The following LOXHD1 variants were observed in gnomAD, a reference collection of about 807,000 sequenced individuals.
LOXHD1 encodes the protein lipoxygenase homology PLAT domains 1.
A neutral mutation model predicts 248.2 loss-of-function variants in LOXHD1; 205 were observed. The ratio of observed to expected loss-of-function variants is 0.83; its 90% CI spans 0.74 to 0.93. LOXHD1 has a LOEUF of 0.93. Ranked by LOEUF, LOXHD1 falls within the 40% of genes least tolerant of loss-of-function variation. The probability of loss-of-function intolerance (pLI) is 0.00; values close to 1 mark genes in which losing one functional copy is unlikely to be tolerated. For missense variants in LOXHD1, 2,930 were observed against 2,971.6 expected, an observed-to-expected ratio of 0.99 and a Z score of 0.33; for synonymous variants, 1,113 against 1,162.8, an observed-to-expected ratio of 0.96 and a Z score of 0.87.
chr18:46,544,285 G>T (rs1261089597), intron 23 of LOXHD1, among the ~76,000 whole-genome samples: 1 of 152,200 alleles, frequency 6.6e-6, no homozygotes, highest in Non-Finnish European at 1.5e-5. Context: ...TGTCAAAAAA[G>T]GACAGGTCTT....
chr18:46,538,014 G>T, intron 26 of LOXHD1, 142 bp downstream of exon 26: 1 of 705,262 alleles, frequency 1.4e-6, no homozygotes, highest in Non-Finnish European at 2.2e-6. Flanking sequence ...TGAGGCCCAG[G>T]AAGGTAGGAT....
In LOXHD1 at chr18:46,496,414, T is replaced by C. The variant is rs535488406; in HGVS notation, c.5879-7272A>G. Among the ~76,000 whole-genome samples, 9 of 152,358 alleles carry C rather than the reference T, an allele frequency of 5.9e-5. No individual in the cohort carries two copies. The South Asian group carries it at 1.2e-3, about 21-fold the overall frequency. Reference sequence around the variant, plus strand: ...CTAAGCATTTGTCACCTGATTTATATGGTATTTGTTCAGAAATCCCCATCT... The same window carrying C: ...CTAAGCATTTGTCACCTGATTTATACGGTATTTGTTCAGAAATCCCCATCT... On this transcript the variant is annotated intron_variant, in intron 37 of 40. Transcript: ENST00000642948.
chr18:46,584,291 G>A (rs2038019491), intron 12 of LOXHD1, among the ~76,000 whole-genome samples: 1 of 152,116 alleles, frequency 6.6e-6, no homozygotes, highest in Non-Finnish European at 1.5e-5. Context: ...AATTAAATGA[G>A]AGGAATAAGT....
intron 37 of LOXHD1, among the ~76,000 whole-genome samples, chr18:46,493,440 G>A (rs2033628019): frequency 6.6e-6 from 1 of 152,196 alleles, no homozygotes; most frequent in Non-Finnish European, 1.5e-5. Flanking sequence ...AGCCCCTTGA[G>A]AACAGGAGCC....
At chr18:46,574,600 T>C (rs2037819207) in intron 14 of LOXHD1, among the ~76,000 whole-genome samples, 1 of 133,132 alleles carries the variant, frequency 7.5e-6, no homozygotes, top group Non-Finnish European at 1.6e-5. Flanking sequence ...CAGCAAGACA[T>C]AAGAACCCAT....
intron 17 of LOXHD1, 39 bp downstream of exon 17, chr18:46,566,218 G>A (rs953252351): frequency 1.6e-5 from 25 of 1,518,422 alleles, no homozygotes; most frequent in Middle Eastern, 2.0e-4. Context: ...CATCCCCCAT[G>A]GGAAACAATG....
rs1272867617 is a variant in LOXHD1 at position 46,594,437 on chromosome 18, G to C, written c.1164C>G (p.Ile388Met). 7 of 1,551,470 alleles carry C rather than the reference G, an allele frequency of 4.5e-6. No homozygotes were observed. The highest frequency in any genetic ancestry group is 3.9e-5 in the Admixed American group (2 of 50,972). Residue 388 changes from isoleucine to methionine, a missense_variant, in exon 9 of 41, where the codon ATC becomes ATG. Ile to Met is a conservative substitution (Grantham distance 10). Coordinates refer to ENST00000642948, the MANE Select transcript of LOXHD1 (RefSeq NM_001384474.1). ...KVVILCPFTG[I>M]QQTFPCSNWL... ...AGTTGCTACAAGGGAAGGTCTGCTG[G>C]ATACCAGTGAAGGGGCACAGAATCA...
At chr18:46,602,926 A>G (rs183953324) in intron 7 of LOXHD1, among the ~76,000 whole-genome samples, 1 of 152,318 alleles carries the variant, frequency 6.6e-6, no homozygotes, top group Non-Finnish European at 1.5e-5. Context: ...TAGGAGACAT[A>G]TAATATTCAC....
intron 18 of LOXHD1, 28 bp from the exon 19 acceptor site, chr18:46,560,573 C>A: frequency 6.7e-7 from 1 of 1,501,602 alleles, no homozygotes; most frequent in Non-Finnish European, 8.9e-7. Context: ...CAGCGGCTGT[C>A]GTGGCCCCAG....
chr18:46,538,474 A>T, intron 25 of LOXHD1, 137 bp from the exon 26 acceptor site: 2 of 875,174 alleles, frequency 2.3e-6, no homozygotes, highest in South Asian at 3.3e-5. Flanking sequence ...ACTGCTGCTC[A>T]GGGACCTGGA....
intron 37 of LOXHD1, among the ~76,000 whole-genome samples, chr18:46,497,795 G>A (rs1028280723): frequency 1.3e-5 from 2 of 152,112 alleles, no homozygotes; most frequent in South Asian, 2.1e-4. Context: ...CAAATATGTC[G>A]ACTGTTCTGG....
rs553882862 is a variant in LOXHD1 at position 46,639,965 on chromosome 18, C to A, written c.327-165G>T. Among the ~76,000 whole-genome samples, 5 of 152,280 alleles carry A rather than the reference C, an allele frequency of 3.3e-5. No individual in the cohort carries two copies. The East Asian group carries it at 9.7e-4, about 29-fold the overall frequency. On this transcript the variant is annotated intron_variant, in intron 3 of 40. Transcript: ENST00000642948. ...TTTCCTCATCTATAAAATGGGGATA[C>A]CTTGCAAGCTGGATGTGCACATTAC...
chr18:46,549,909 C>T (rs1337487713), intron 21 of LOXHD1, among the ~76,000 whole-genome samples: 1 of 152,190 alleles, frequency 6.6e-6, no homozygotes, highest in Non-Finnish European at 1.5e-5. Flanking sequence ...AAACCCAGGA[C>T]ACTAAACATA....
chr18:46,562,415 C>T (rs1326684251), intron 18 of LOXHD1, among the ~76,000 whole-genome samples: 1 of 152,234 alleles, frequency 6.6e-6, no homozygotes, highest in East Asian at 1.9e-4. Context: ...ATTCATGTTT[C>T]TCCTAAGGGG....
intron 37 of LOXHD1, among the ~76,000 whole-genome samples, chr18:46,498,495 C>A (rs758518097): frequency 1.3e-5 from 2 of 152,194 alleles, no homozygotes; most frequent in Non-Finnish European, 2.9e-5. Flanking sequence ...CAGAAGTCTG[C>A]AGTCAAGGTG....
intron 17 of LOXHD1, among the ~76,000 whole-genome samples, chr18:46,565,553 G>A (rs1003358759): frequency 3.3e-5 from 5 of 152,300 alleles, no homozygotes; most frequent in South Asian, 2.1e-4. Flanking sequence ...TCAATAGACC[G>A]TCATTCCTCA....
intron 4 of LOXHD1, among the ~76,000 whole-genome samples, chr18:46,625,247 T>A (rs981025624): frequency 2.0e-5 from 3 of 152,188 alleles, no homozygotes; most frequent in African/African-American, 7.2e-5. Context: ...GCTCCCGGTG[T>A]GTGCGTTGTT....
chr18:46,597,057 A>G (rs1049608027), intron 8 of LOXHD1, among the ~76,000 whole-genome samples: 1 of 152,156 alleles, frequency 6.6e-6, no homozygotes, highest in Non-Finnish European at 1.5e-5. Flanking sequence ...TGAACAAGCA[A>G]CTCTATAAAA....
At chr18:46,596,100 T>C (rs150902029) in intron 8 of LOXHD1, among the ~76,000 whole-genome samples, 190 of 151,894 alleles carry the variant, frequency 1.3e-3, no homozygotes, top group African/African-American at 4.2e-3. Flanking sequence ...TTTATTGTTT[T>C]GTTAAACATA....
Sources: allele counts gnomAD v4.1 joint callset (sites outside exome capture counted in the v4.1 genomes callset), GRCh38; gene constraint gnomAD v4.1.1; transcripts MANE v1.5; gene names NCBI Gene and HGNC (gene_info 2026-07-23, HGNC 2026-07-21).